Variants in UNC80 observed in about 807,000 individuals in gnomAD.
The protein encoded by UNC80 is protein unc-80 homolog.
Under a neutral mutation model 384.6 loss-of-function variants are expected in UNC80, and 164 were observed. The ratio of observed to expected loss-of-function variants is 0.43; its 90% CI spans 0.38 to 0.49. UNC80 has a LOEUF of 0.49. UNC80 is among the 20% of genes least tolerant of loss of function. The probability of loss-of-function intolerance (pLI) is 0.00; values close to 1 mark genes in which losing one functional copy is unlikely to be tolerated. For missense variants in UNC80, 3,330 were observed against 4,143.0 expected (o/e 0.80, Z 5.39); for synonymous variants, 1,486 against 1,527.8 (o/e 0.97, Z 0.64).
chr2:209,936,792 A>G lies in UNC80; in HGVS notation c.6274-52A>G. 4 of 1,282,954 alleles carry G rather than the reference A, an allele frequency of 3.1e-6. No homozygotes were observed. In the South Asian group the frequency reaches 5.1e-5, roughly 16 times the overall value. 79.5% of individuals were successfully genotyped at this position (1,282,954 alleles called of 1,614,324 possible). On this transcript the variant is annotated intron_variant, in intron 40 of 64. Transcript: ENST00000673920. ...TGTATCTGTCACCTTACTACCTAGC[A>G]CATAATATCTTCCTGATAAACATTT...
intron 39 of UNC80, 124 bp from the exon 40 acceptor site, chr2:209,935,590 T>C (rs1322034020): frequency 2.5e-6 from 1 of 406,752 alleles, no homozygotes; most frequent in Non-Finnish European, 4.4e-6. Flanking sequence ...TATGTAACTA[T>C]GAATTAAGAA....
chr2:209,775,791 T>G (rs1382079852), intron 2 of UNC80, 98 bp from the exon 3 acceptor site: 5 of 1,260,530 alleles, frequency 4.0e-6, no homozygotes, highest in Non-Finnish European at 5.5e-6. Flanking sequence ...GTACAGTACC[T>G]TGCTGTTCAT....
chr2:209,883,177 T>C (rs920389602), intron 25 of UNC80, among the ~76,000 whole-genome samples: 1 of 152,222 alleles, frequency 6.6e-6, no homozygotes, highest in African/African-American at 2.4e-5. Context: ...TTCTAACTTA[T>C]TGAAATGTTT....
chr2:209,933,693 A>G, intron 38 of UNC80, 129 bp from the exon 39 acceptor site: 1 of 705,902 alleles, frequency 1.4e-6, no homozygotes, highest in Non-Finnish European at 2.2e-6. Flanking sequence ...AAAGTGTTAG[A>G]GAAGCATCTG....
chr2:209,946,089 G>C, intron 47 of UNC80, 146 bp downstream of exon 47: 1 of 652,636 alleles, frequency 1.5e-6, no homozygotes, highest in Non-Finnish European at 2.6e-6. Context: ...GGCCAGGTGT[G>C]GTGGCTCACA....
At chr2:209,971,609 C>T (rs981899886) in intron 54 of UNC80, among the ~76,000 whole-genome samples, 3 of 152,130 alleles carry the variant, frequency 2.0e-5, no homozygotes, top group Non-Finnish European at 2.9e-5. Context: ...ACCCATCCGT[C>T]GTTTGACAAC....
chr2:209,969,539 T>C (rs2092823955), intron 52 of UNC80: 1 of 522,384 alleles, frequency 1.9e-6, no homozygotes, highest in Non-Finnish European at 3.3e-6. Flanking sequence ...ATTCATCATC[T>C]CTGTTTTTTC....
intron 23 of UNC80, among the ~76,000 whole-genome samples, chr2:209,877,054 G>T (rs765023590): frequency 3.3e-5 from 5 of 152,136 alleles, no homozygotes; most frequent in African/African-American, 9.7e-5. Context: ...AAACTTAGCT[G>T]GAATTTTGCT....
chr2:209,811,228 T>C (rs558133757), intron 7 of UNC80, among the ~76,000 whole-genome samples: 2 of 152,184 alleles, frequency 1.3e-5, no homozygotes, highest in South Asian at 2.1e-4. Flanking sequence ...AAAAATGTAT[T>C]TGGGGCTGAG....
chr2:209,858,834 T>G (rs2124857116), intron 22 of UNC80, among the ~76,000 whole-genome samples: 1 of 152,292 alleles, frequency 6.6e-6, no homozygotes, highest in South Asian at 2.1e-4. Flanking sequence ...TCTGTCATTT[T>G]TGCTTATTTA....
chr2:209,793,572 G>A (rs775442228), intron 6 of UNC80, 148 bp from the exon 7 acceptor site: 134 of 827,514 alleles, frequency 1.6e-4, no homozygotes, highest in Non-Finnish European at 2.1e-4. Context: ...AAAATCCCTT[G>A]GCCCATAATA....
At position 209,820,608 on chromosome 2, in the gene UNC80, G is replaced by C; in HGVS notation, c.2260G>C (p.Gly754Arg). ...EGGGGDGGGG[G>R]GDGGGGGGGG... ...AGGAGGTGGAGATGGAGGAGGTGGA[G>C]GAGGTGATGGAGGAGGAGGTGGAGG... Residue 754 changes from glycine to arginine, a missense_variant, in exon 13 of 65, where the codon GGA (glycine) becomes CGA (arginine). This residue lies in a region of UNC80 where 937 missense variants were observed against 1,026.8 expected (regional missense o/e 0.91). Coordinates refer to ENST00000673920, the MANE Select transcript of UNC80 (RefSeq NM_001371986.1). 6.4e-7 allele frequency: 1 copy of C among 1,551,434 alleles called. No individual in the cohort carries two copies.
rs2153828427 is a variant in UNC80 at position 209,829,248 on chromosome 2, C to G, written c.2495C>G (p.Thr832Ser). 3.2e-6 allele frequency: 5 copies of G among 1,551,274 alleles called. No individual in the cohort carries two copies. In the East Asian group the frequency reaches 1.2e-4, roughly 38 times the overall value. Residue 832 changes from threonine (T) to serine (S), a missense_variant, in exon 15 of 65, where the codon ACT (threonine) becomes AGT (serine). By Grantham distance (58) the Thr-to-Ser change is moderately conservative. This residue lies in a region of UNC80 where 937 missense variants were observed against 1,026.8 expected (regional missense o/e 0.91). Transcript: ENST00000673920. ...TCATTGCAGGCCCAGAACTGCCTCA[C>G]TAAGCTATACAAGCTAGATAAGATG... The part of the protein sequence containing the change: ...VFRENAQNCL[T>S]KLYKLDKMQF...
chr2:209,807,193 G>A (rs1042044211), intron 7 of UNC80, among the ~76,000 whole-genome samples: 5 of 152,000 alleles, frequency 3.3e-5, no homozygotes, highest in Admixed American at 6.6e-5. Context: ...TTTTATATAT[G>A]TGCTTTTCTT....
At chr2:209,972,623 A>G (rs2092913149) in intron 55 of UNC80, among the ~76,000 whole-genome samples, 1 of 152,252 alleles carries the variant, frequency 6.6e-6, no homozygotes, top group African/African-American at 2.4e-5. Context: ...TTGAAGTACA[A>G]TATAAGAATT....
At chr2:209,891,248 T>G (rs1056111386) in intron 26 of UNC80, among the ~76,000 whole-genome samples, 2 of 152,148 alleles carry the variant, frequency 1.3e-5, no homozygotes, top group African/African-American at 4.8e-5. Context: ...ATATATCATA[T>G]TCTATTGAAT....
At chr2:209,871,975 A>G (rs1488830308) in intron 22 of UNC80, among the ~76,000 whole-genome samples, 2 of 151,950 alleles carry the variant, frequency 1.3e-5, no homozygotes, top group African/African-American at 4.8e-5. Flanking sequence ...GACAAAATAA[A>G]AAAAAAAAGA....
Position 209,963,249 on chromosome 2 carries a change from C to G in UNC80, c.7805+3542C>G, listed in dbSNP as rs182922137. Among the ~76,000 whole-genome samples, 13 of 152,308 alleles carry G rather than the reference C, an allele frequency of 8.5e-5. No individual in the cohort carries two copies. The East Asian group carries it at 2.5e-3, about 29-fold the overall frequency. ...TGTCTGTCTCTCTCTCGTGTGTGGT[C>G]TCTATCTCTCTCATTCTCTTTCTCT... On this transcript the variant is annotated intron_variant, in intron 51 of 64. Transcript: ENST00000673920.
chr2:209,880,590 T>C (rs1444667261), intron 24 of UNC80, among the ~76,000 whole-genome samples: 1 of 152,234 alleles, frequency 6.6e-6, no homozygotes. Context: ...GCGAAATTAC[T>C]TCCCATTTCT....
Sources: gnomAD v4.1 joint callset for allele counts (sites outside exome capture counted in the v4.1 genomes callset) on GRCh38, gnomAD v4.1.1 for gene constraint, gnomAD v4.1.1 regional missense constraint, MANE v1.5 for transcripts, NCBI Gene and HGNC (gene_info 2026-07-23, HGNC 2026-07-21) for gene names.